Variants in WNK3 observed in about 807,000 individuals in gnomAD.
WNK3 encodes WNK lysine deficient protein kinase 3.
A neutral mutation model predicts 116.7 loss-of-function variants in WNK3; 18 were observed. The observed-to-expected ratio is 0.15, with a 90% CI of 0.11 to 0.23. The LOEUF (loss-of-function observed/expected upper bound fraction) is 0.23. Among genes scored for constraint, WNK3 ranks in the 10% least tolerant of loss-of-function variants. The pLI is 1.00. For missense variants in WNK3, 993 were observed against 1,323.8 expected (o/e 0.75, Z 3.88); for synonymous variants, 404 against 469.4 (o/e 0.86, Z 1.80).
At chrX:54,238,374 T>G in exon 19 of WNK3, 1 of 1,210,318 alleles carries the variant, frequency 8.3e-7, no homozygotes. Flanking sequence ...GATCCACTCA[T>G]CGCTTTACAT....
intron 23 of WNK3, among the ~76,000 whole-genome samples, chrX:54,199,829 G>A (rs1467931335): frequency 1.8e-5 from 2 of 111,547 alleles, no homozygotes; most frequent in Admixed American, 9.5e-5. Context: ...GTGAAACTCC[G>A]TCTCAAAAAA....
chrX:54,315,203 T>C (rs2068938626), intron 2 of WNK3, among the ~76,000 whole-genome samples: 1 of 106,802 alleles, frequency 9.4e-6, no homozygotes, highest in South Asian at 4.2e-4. Context: ...CTTGGGAGGC[T>C]GAGGTGGGAG....
intron 10 of WNK3, among the ~76,000 whole-genome samples, chrX:54,265,391 G>A (rs927032145): frequency 1.8e-5 from 2 of 111,579 alleles, no homozygotes. Flanking sequence ...GGAGGCTGAG[G>A]CAGGAGAATC....
intron 5 of WNK3, among the ~76,000 whole-genome samples, chrX:54,302,270 C>G (rs1224337667): frequency 9.0e-6 from 1 of 111,198 alleles, no homozygotes; most frequent in Non-Finnish European, 1.9e-5. Flanking sequence ...CAGTATAATC[C>G]CAATTAACAA....
intron 6 of WNK3, among the ~76,000 whole-genome samples, chrX:54,301,504 A>T (rs2068758411): frequency 9.0e-6 from 1 of 111,296 alleles, no homozygotes; most frequent in Non-Finnish European, 1.9e-5. Flanking sequence ...CTGACTGTTA[A>T]GCTGATGGCT....
intron 10 of WNK3, among the ~76,000 whole-genome samples, chrX:54,285,082 T>C (rs2068565149): frequency 1.8e-5 from 2 of 111,618 alleles, no homozygotes; most frequent in Admixed American, 1.9e-4. Flanking sequence ...TCCATTTATA[T>C]GAAGGTCTAG....
intron 2 of WNK3, among the ~76,000 whole-genome samples, chrX:54,316,073 C>CAA (rs1177674855): frequency 1.8e-5 from 2 of 111,345 alleles, no homozygotes; most frequent in African/African-American, 6.5e-5. Flanking sequence ...CATAACTATA[C>CAA]AAAGAGATCA....
intron 22 of WNK3, among the ~76,000 whole-genome samples, chrX:54,222,941 A>AT (rs59332285): frequency 0.045 from 3,764 of 83,745 alleles, 83 homozygotes; most frequent in African/African-American, 0.072. Flanking sequence ...TATATATATA[A>AT]AAAAAGACAC....
chrX:54,263,026 C>T (rs926000855), intron 10 of WNK3, among the ~76,000 whole-genome samples: 3 of 110,436 alleles, frequency 2.7e-5, no homozygotes, highest in Non-Finnish European at 3.8e-5. Flanking sequence ...TGAGGCTCCC[C>T]TAACTGGTTC....
chrX:54,357,274 A>G (rs2069605930), intron 1 of WNK3, among the ~76,000 whole-genome samples: 1 of 108,622 alleles, frequency 9.2e-6, no homozygotes, highest in Admixed American at 1.0e-4. Flanking sequence ...CCCCTCCTGT[A>G]TCCTCCTCAC....
At chrX:54,198,597 G>T (rs377349896) in exon 24 of WNK3, 1 of 1,210,054 alleles carries the variant, frequency 8.3e-7, no homozygotes. Flanking sequence ...CAGCTCCACG[G>T]ATTTGGGACA....
intron 5 of WNK3, among the ~76,000 whole-genome samples, chrX:54,302,759 T>TATATA (rs1569538447): frequency 4.0e-4 from 5 of 12,624 alleles, no homozygotes; most frequent in African/African-American, 7.3e-4. Context: ...ATATATATAT[T>TATATA]TTTTTTTTTT....
chrX:54,299,900 C>T (rs1422496368), intron 6 of WNK3, among the ~76,000 whole-genome samples: 3 of 109,290 alleles, frequency 2.7e-5, no homozygotes, highest in African/African-American at 1.0e-4. Flanking sequence ...CACTCTGTTG[C>T]CCAGGCTGGA....
intron 22 of WNK3, among the ~76,000 whole-genome samples, chrX:54,208,416 G>A (rs1181553563): frequency 3.6e-5 from 4 of 110,241 alleles, no homozygotes; most frequent in East Asian, 2.8e-4. Flanking sequence ...GAGCCACCGC[G>A]CCCGGCCCAA....
At chrX:54,202,941 A>G (rs1217782615) in intron 22 of WNK3, among the ~76,000 whole-genome samples, 1 of 111,466 alleles carries the variant, frequency 9.0e-6, no homozygotes, top group African/African-American at 3.3e-5. Context: ...GACATGCCCA[A>G]GTTCTTGCAA....
chrX:54,309,611 C>T (rs919813378), intron 3 of WNK3, among the ~76,000 whole-genome samples: 1 of 111,771 alleles, frequency 8.9e-6, no homozygotes, highest in Admixed American at 9.6e-5. Flanking sequence ...CAGCTCACTG[C>T]AGCTTCCGCC....
rs183825260 is a variant in WNK3 at position 54,352,924 on chromosome X, A to G, written c.-120+4762T>C. On this transcript the variant is annotated intron_variant, in intron 1 of 23. Transcript: ENST00000354646. ...AAGGAATAAAGTAATGTTACATGCC[A>G]TAACACAGATGAATCTCAAAAACAT... Among the ~76,000 whole-genome samples the G allele has an allele frequency of 6.2e-5, 7 of 112,324 alleles. No homozygotes were observed. The Admixed American group carries it at 6.7e-4, about 11-fold the overall frequency.
At chrX:54,220,322 T>C (rs1282613030) in intron 22 of WNK3, among the ~76,000 whole-genome samples, 1 of 110,627 alleles carries the variant, frequency 9.0e-6, no homozygotes, top group Non-Finnish European at 1.9e-5. Flanking sequence ...GGGAGGCTGA[T>C]GTGGGCAGAT....
chrX:54,323,219 T>G (rs185138184), intron 2 of WNK3, among the ~76,000 whole-genome samples: 19 of 111,427 alleles, frequency 1.7e-4, no homozygotes, highest in Non-Finnish European at 1.9e-4. Flanking sequence ...AACAACACCA[T>G]GTACCCCCAG....
Sources: gnomAD v4.1 joint callset for allele counts (sites outside exome capture counted in the v4.1 genomes callset) on GRCh38, gnomAD v4.1.1 for gene constraint, MANE v1.5 for transcripts, NCBI Gene and HGNC (gene_info 2026-07-23, HGNC 2026-07-21) for gene names.